The following MGAT1 variants were observed in gnomAD, a reference collection of about 807,000 sequenced individuals.
MGAT1 encodes the protein N-glycosyl-oligosaccharide-glycoprotein N-acetylglucosaminyltransferase I.
MGAT1 carries 14 observed loss-of-function variants against 31.7 expected under a neutral mutation model. That is an observed-to-expected ratio of 0.44 (90% CI 0.29 to 0.69). The LOEUF (loss-of-function observed/expected upper bound fraction) is 0.69. MGAT1 is among the 30% of genes least tolerant of loss of function. MGAT1 has a pLI of 0.12. For synonymous variants in MGAT1, 338 were observed against 276.0 expected (o/e 1.22, Z -2.23); for missense variants, 557 against 626.0 (o/e 0.89, Z 1.18).
chr5:180,794,093 T>C (rs934818544), intron 1 of MGAT1, among the ~76,000 whole-genome samples: 41 of 152,132 alleles, frequency 2.7e-4, no homozygotes, highest in African/African-American at 9.2e-4. Flanking sequence ...AAATACTGCA[T>C]ACTGGCCAGA....
chr5:180,792,772 C>T lies in MGAT1; in HGVS notation c.200G>A (p.Arg67Gln), dbSNP rs995535667. The change falls in exon 2 of 2, where the codon CGG becomes CAG. Residue 67 changes from arginine to glutamine, a missense_variant. Arg to Gln is a conservative substitution (Grantham distance 43, BLOSUM62 1). Transcript: ENST00000307826. ...GATCTGCTGCAGCAGCCCACGCTGC[C>T]GCTCCAGCTCCACCTCGGCGTCTTG... ...LAQDAEVELE[R>Q]QRGLLQQIGD... is the part of the protein sequence containing the mutation. 4 of 1,548,936 alleles carry T rather than the reference C, an allele frequency of 2.6e-6. No homozygotes were observed. Among genetic ancestry groups the T allele is most frequent in the Admixed American group, 2.0e-5 (1 of 50,876 alleles).
chr5:180,813,394 T>C (rs1561887399), intron 1 of MGAT1, among the ~76,000 whole-genome samples: 1 of 152,258 alleles, frequency 6.6e-6, no homozygotes, highest in African/African-American at 2.4e-5. Flanking sequence ...CTTTGTCTTA[T>C]TCATTTGCAA....
chr5:180,806,594 A>G (rs932381920), upstream of MGAT1, among the ~76,000 whole-genome samples: 47 of 152,132 alleles, frequency 3.1e-4, no homozygotes, highest in African/African-American at 1.1e-3. Flanking sequence ...TGCTGTGGAA[A>G]CAGCACAGCA....
chr5:180,802,434 G>A (rs1771028673), intron 1 of MGAT1, among the ~76,000 whole-genome samples: 2 of 152,156 alleles, frequency 1.3e-5, no homozygotes, highest in South Asian at 4.1e-4. Flanking sequence ...CGCGGAGCCC[G>A]CCCTTCCTCT....
At position 180,792,369 on chromosome 5, in the gene MGAT1, G is replaced by T. The variant is rs377172940; in HGVS notation, c.603C>A (p.Arg201=). The T allele has an allele frequency of 1.9e-6, 3 of 1,611,040 alleles. No homozygotes were observed. The highest frequency in any genetic ancestry group is 2.5e-6 in the Non-Finnish European group (3 of 1,178,256). Reference sequence around the variant, plus strand: ...CCTCCACCACCACGGCCGCGGGGAAGCGAAACTGCCGGAAGACCTGGCCCA... The same window carrying T: ...CCTCCACCACCACGGCCGCGGGGAATCGAAACTGCCGGAAGACCTGGCCCA... ...WALGQVFRQF[R]FPAAVVVEDD... The change falls in exon 2 of 2, where the codon CGC becomes CGA. Residue 201 remains arginine, a synonymous_variant. Coordinates refer to ENST00000307826, the MANE Select transcript of MGAT1 (RefSeq NM_002406.4).
intron 1 of MGAT1, chr5:180,810,480 A>C (rs909388121): frequency 2.6e-5 from 4 of 152,036 alleles, no homozygotes; most frequent in African/African-American, 9.7e-5. Context: ...AGCGCGCGGC[A>C]GGTGGAGCCG....
chr5:180,791,613 C>T lies in MGAT1; in HGVS notation c.*21G>A. ...CAGCTCATGATGTGGCAAGGAGGGG[C>T]CCAGGAAGGACAGGCAGGTGCTAAT... On this transcript the variant is annotated 3_prime_UTR_variant, in exon 2 of 2. Transcript: ENST00000307826. The T allele has an allele frequency of 1.2e-6, 2 of 1,608,040 alleles. 1 individual carries two copies. The highest frequency in any genetic ancestry group is 3.3e-4 in the Middle Eastern group (2 of 6,040).
chr5:180,810,170 C>T (rs1197759746), intron 1 of MGAT1: 2 of 151,304 alleles, frequency 1.3e-5, no homozygotes, highest in Admixed American at 6.6e-5. Flanking sequence ...GCCCTCCCCT[C>T]GCACTCCTTC....
Position 180,791,997 on chromosome 5 carries a change from A to G in MGAT1, c.975T>C (p.Phe325=), listed in dbSNP as rs765023003. The change falls in exon 2 of 2, where the codon TTT becomes TTC. Residue 325 remains phenylalanine, a synonymous_variant. Transcript: ENST00000307826. ...GCTTGATAAACTTGAGGTGCTGGTCAAAGAACTGCCCGTGGCTCACACCCT... is the reference window on the plus strand; with the variant it reads ...GCTTGATAAACTTGAGGTGCTGGTCGAAGAACTGCCCGTGGCTCACACCCT... ...GRKGVSHGQF[F]DQHLKFIKLN... 1.9e-6 allele frequency: 3 copies of G among 1,614,176 alleles called. No individual in the cohort carries two copies. Among genetic ancestry groups the G allele is most frequent in the Non-Finnish European group, 1.7e-6 (2 of 1,180,038 alleles).
upstream of MGAT1, chr5:180,802,813 C>A (rs1393879606): frequency 2.6e-5 from 4 of 151,658 alleles, no homozygotes; most frequent in African/African-American, 9.7e-5. Flanking sequence ...CTGCGGCGCG[C>A]CGGGGCCGGA....
Position 180,813,811 on chromosome 5 carries a change from G to A in MGAT1, c.-546+1603C>T, listed in dbSNP as rs1347400357. On this transcript the variant is annotated intron_variant, in intron 1 of 2. Transcript: ENST00000333055. ...GCCTCTGCTGTCTTCTGCCTTTCAA[G>A]TCTAACTCAAGGGCACCTGAGTAGG... 2.0e-5 allele frequency among the ~76,000 whole-genome samples: 3 copies of A among 152,188 alleles called. No homozygotes were observed. In the East Asian group the frequency reaches 5.8e-4, roughly 29 times the overall value.
Position 180,785,059 on chromosome 5 carries a change from G to A in MGAT1, c.*6575C>T, listed in dbSNP as rs1019336459. ...TTTCATAATAAAAACTTGAAAAACAGAATATAAAATTGAAAAAAAGTTTTG... is the reference window on the plus strand; with the variant it reads ...TTTCATAATAAAAACTTGAAAAACAAAATATAAAATTGAAAAAAAGTTTTG... On this transcript the variant is annotated 3_prime_UTR_variant, in exon 2 of 2. Coordinates refer to ENST00000307826, the MANE Select transcript of MGAT1 (RefSeq NM_002406.4). 3 of 152,016 alleles carry A rather than the reference G, an allele frequency of 2.0e-5. No homozygotes were observed. The highest frequency in any genetic ancestry group is 4.4e-5 in the Non-Finnish European group (3 of 67,984). 9.4% of individuals were successfully genotyped at this position (152,016 alleles called of 1,614,324 possible).
At chr5:180,804,304 T>C (rs1168761462), upstream of MGAT1, among the ~76,000 whole-genome samples, 1 of 149,590 alleles carries the variant, frequency 6.7e-6, no homozygotes, top group African/African-American at 2.5e-5. Context: ...GACCGGGCAC[T>C]CCTGTGCGCC....
chr5:180,813,615 G>A (rs1209118532), intron 1 of MGAT1, among the ~76,000 whole-genome samples: 1 of 152,174 alleles, frequency 6.6e-6, no homozygotes, highest in Non-Finnish European at 1.5e-5. Flanking sequence ...ACTCCACCTA[G>A]AGGACCAGCA....
At chr5:180,813,875 CA>C (rs1772708999) in intron 1 of MGAT1, among the ~76,000 whole-genome samples, 2 of 152,156 alleles carry the variant, frequency 1.3e-5, no homozygotes, top group African/African-American at 4.8e-5. Flanking sequence ...GTAACCTATT[CA>C]ACTAGAAAGA....
rs1466469625 is a variant in MGAT1 at position 180,785,463 on chromosome 5, C to T, written c.*6171G>A. The T allele has an allele frequency of 6.6e-6, 1 of 152,332 alleles. No homozygotes were observed. Among genetic ancestry groups the T allele is most frequent in the Non-Finnish European group, 1.5e-5 (1 of 68,100 alleles). The allele number at this position is 152,332 out of a possible 1,614,324, so 9.4% of individuals were successfully genotyped here. A position where few individuals can be genotyped will look rare whatever the true frequency, so the allele number is the denominator to read the frequency against. ...TGCTGGCCAGGGATGTCCTCACGGC[C>T]CCTGTGGGTGACGGTGGCCATGGGT... On this transcript the variant is annotated 3_prime_UTR_variant, in exon 2 of 2. Transcript: ENST00000307826.
chr5:180,794,629 T>C (rs1001898761), intron 1 of MGAT1, among the ~76,000 whole-genome samples: 3 of 152,208 alleles, frequency 2.0e-5, no homozygotes, highest in Non-Finnish European at 4.4e-5. Flanking sequence ...AGCTATGCTA[T>C]AGCTTGAATA....
intron 1 of MGAT1, among the ~76,000 whole-genome samples, chr5:180,794,468 C>T (rs1372757398): frequency 6.6e-6 from 1 of 150,570 alleles, no homozygotes; most frequent in African/African-American, 2.5e-5. Context: ...CTGCGTGGTA[C>T]TGGTACATAA....
Position 180,791,482 on chromosome 5 carries a change from T to C in MGAT1, c.*152A>G, listed in dbSNP as rs991591504. 4 of 882,818 alleles carry C rather than the reference T, an allele frequency of 4.5e-6. No individual in the cohort carries two copies. The highest frequency in any genetic ancestry group is 7.0e-6 in the Non-Finnish European group (4 of 572,658). 54.7% of individuals were successfully genotyped at this position (882,818 alleles called of 1,614,324 possible). ...TGAGAACGGGAGAATAATCCTCTTG[T>C]TATCATTTGTGCACTTAAATGCCAC... is the stretch of plus-strand genomic sequence containing the variant. On this transcript the variant is annotated 3_prime_UTR_variant, in exon 2 of 2. Transcript: ENST00000307826.
Sources: gnomAD v4.1 joint callset for allele counts (sites outside exome capture counted in the v4.1 genomes callset) on GRCh38, gnomAD v4.1.1 for gene constraint, MANE v1.5 for transcripts, NCBI Gene and HGNC (gene_info 2026-07-23, HGNC 2026-07-21) for gene names.